DSCAM: variants seen among roughly 807,000 people sequenced by gnomAD.
DSCAM encodes cell adhesion molecule DSCAM.
In DSCAM, 47 loss-of-function variants were observed where a neutral mutation model predicts 217.7. That is an observed-to-expected ratio of 0.22 (90% CI 0.17 to 0.28). The LOEUF is 0.28. Ranked by LOEUF, DSCAM falls within the 10% of genes least tolerant of loss-of-function variation. The pLI, the probability that DSCAM is intolerant of heterozygous loss-of-function variation, is 1.00. For synonymous variants in DSCAM, 1,056 were observed against 1,015.3 expected, an observed-to-expected ratio of 1.04 and a Z score of -0.76; for missense variants, 2,080 against 2,618.3, an observed-to-expected ratio of 0.79 and a Z score of 4.49.
intron 3 of DSCAM, among the ~76,000 whole-genome samples, chr21:40,491,629 T>A (rs566226917): frequency 2.6e-5 from 4 of 152,132 alleles, no homozygotes; most frequent in Middle Eastern, 3.4e-3. Context: ...CTACCTACCC[T>A]CCTTCTATAA....
intron 20 of DSCAM, among the ~76,000 whole-genome samples, chr21:40,113,202 A>T (rs1390848064): frequency 1.3e-5 from 2 of 152,234 alleles, no homozygotes; most frequent in Non-Finnish European, 2.9e-5. Flanking sequence ...CACTTCAAAA[A>T]GCTTATCCAC....
At chr21:40,285,952 G>T (rs2073818624) in intron 10 of DSCAM, among the ~76,000 whole-genome samples, 1 of 152,144 alleles carries the variant, frequency 6.6e-6, no homozygotes, top group Admixed American at 6.5e-5. Context: ...GATCACTGCT[G>T]CTTCAGGAAA....
intron 11 of DSCAM, among the ~76,000 whole-genome samples, chr21:40,234,197 G>C (rs375326909): frequency 5.7e-4 from 87 of 152,200 alleles, no homozygotes; most frequent in African/African-American, 2.0e-3. Context: ...TGGACAACAT[G>C]GTGCCTGGGT....
chr21:40,685,180 T>C (rs930881469), intron 3 of DSCAM, among the ~76,000 whole-genome samples: 3 of 152,192 alleles, frequency 2.0e-5, no homozygotes, highest in Non-Finnish European at 2.9e-5. Flanking sequence ...GATCGTTGAA[T>C]GTATGAAAAT....
At chr21:40,279,061 T>C (rs1056120352) in intron 10 of DSCAM, among the ~76,000 whole-genome samples, 3 of 152,224 alleles carry the variant, frequency 2.0e-5, no homozygotes, top group Admixed American at 6.5e-5. Flanking sequence ...TGAATTTTCA[T>C]AAAATGATTC....
At chr21:40,378,957 G>T (rs1039433524) in intron 3 of DSCAM, among the ~76,000 whole-genome samples, 2 of 152,070 alleles carry the variant, frequency 1.3e-5, no homozygotes, top group Admixed American at 6.5e-5. Context: ...ATAAATTAGG[G>T]TACATCTATA....
At chr21:40,310,619 AAGTTGT>A (rs2074127113) in intron 9 of DSCAM, among the ~76,000 whole-genome samples, 2 of 152,220 alleles carry the variant, frequency 1.3e-5, no homozygotes, top group Non-Finnish European at 2.9e-5. Context: ...CTGCAAGGGC[AAGTTGT>A]ACAAAAAGCA....
chr21:40,193,043 C>T (rs997864691), intron 11 of DSCAM, among the ~76,000 whole-genome samples: 18 of 152,000 alleles, frequency 1.2e-4, no homozygotes, highest in Admixed American at 6.6e-4. Context: ...CTCTTGTGGC[C>T]GGAGATTGGA....
chr21:40,471,510 C>G (rs2075888210), intron 3 of DSCAM, among the ~76,000 whole-genome samples: 1 of 152,186 alleles, frequency 6.6e-6, no homozygotes, highest in Non-Finnish European at 1.5e-5. Context: ...GCTCCGAGGG[C>G]TTGGCCAAGA....
intron 10 of DSCAM, among the ~76,000 whole-genome samples, chr21:40,293,810 G>A (rs2123440268): frequency 6.6e-6 from 1 of 152,004 alleles, no homozygotes; most frequent in African/African-American, 2.4e-5. Flanking sequence ...GGGCGACAGA[G>A]CAAGACTCTG....
intron 3 of DSCAM, among the ~76,000 whole-genome samples, chr21:40,626,726 G>C (rs2089606242): frequency 6.6e-6 from 1 of 152,150 alleles, no homozygotes; most frequent in South Asian, 2.1e-4. Flanking sequence ...TAGAATATAA[G>C]CTTCTTAAAG....
At chr21:40,661,813 G>T (rs745542421) in intron 3 of DSCAM, among the ~76,000 whole-genome samples, 1 of 152,178 alleles carries the variant, frequency 6.6e-6, no homozygotes, top group Non-Finnish European at 1.5e-5. Context: ...AAGGCAATAT[G>T]AGAATAGAGA....
intron 3 of DSCAM, among the ~76,000 whole-genome samples, chr21:40,667,552 C>A (rs9984337): frequency 2.0e-5 from 3 of 152,096 alleles, no homozygotes; most frequent in Admixed American, 6.5e-5. Context: ...TGGCTGTGTC[C>A]TCACCAACAT....
intron 3 of DSCAM, among the ~76,000 whole-genome samples, chr21:40,371,894 T>TA (rs1275369260): frequency 6.6e-6 from 1 of 152,208 alleles, no homozygotes; most frequent in Non-Finnish European, 1.5e-5. Flanking sequence ...TGCAAAAATT[T>TA]AAAAAATTGC....
intron 3 of DSCAM, chr21:40,385,222 C>T (rs1435089100): frequency 6.6e-6 from 1 of 152,126 alleles, no homozygotes; most frequent in African/African-American, 2.4e-5. Flanking sequence ...TCCCATCCAA[C>T]GTTATGTTTC....
At chr21:40,767,208 C>A (rs773157906) in intron 1 of DSCAM, among the ~76,000 whole-genome samples, 1 of 152,132 alleles carries the variant, frequency 6.6e-6, no homozygotes, top group Non-Finnish European at 1.5e-5. Flanking sequence ...TCTGAGAAAA[C>A]CAGCATTCCT....
intron 3 of DSCAM, among the ~76,000 whole-genome samples, chr21:40,487,420 G>C (rs190610608): frequency 5.8e-4 from 88 of 151,702 alleles, no homozygotes; most frequent in African/African-American, 1.9e-3. Context: ...CACCAGTGAA[G>C]CATACTGCTA....
intron 3 of DSCAM, among the ~76,000 whole-genome samples, chr21:40,439,473 GT>G (rs1401339713): frequency 1.3e-5 from 2 of 152,164 alleles, no homozygotes; most frequent in African/African-American, 4.8e-5. Flanking sequence ...CACTTCAGAT[GT>G]TTGAACAGAA....
intron 3 of DSCAM, among the ~76,000 whole-genome samples, chr21:40,493,200 A>G (rs980339627): frequency 1.3e-5 from 2 of 152,190 alleles, no homozygotes; most frequent in Non-Finnish European, 2.9e-5. Context: ...TATATTTTTA[A>G]TGTCAAAATT....
Sources: gnomAD v4.1 joint callset for allele counts (sites outside exome capture counted in the v4.1 genomes callset) on GRCh38, gnomAD v4.1.1 for gene constraint, MANE v1.5 for transcripts, NCBI Gene and HGNC (gene_info 2026-07-23, HGNC 2026-07-21) for gene names.